The following MFSD11 variants were observed in gnomAD, a reference collection of about 807,000 sequenced individuals.
MFSD11 encodes major facilitator superfamily domain containing 11.
MFSD11 carries 36 observed loss-of-function variants against 53.5 expected under a neutral mutation model. That is an observed-to-expected ratio of 0.67 (90% CI 0.52 to 0.89). MFSD11 has a LOEUF of 0.89. MFSD11 is among the 40% of genes least tolerant of loss of function. The pLI is 0.00. For missense variants in MFSD11, 530 were observed against 543.9 expected, an observed-to-expected ratio of 0.97 and a Z score of 0.25; for synonymous variants, 186 against 184.9, an observed-to-expected ratio of 1.01 and a Z score of -0.05.
chr17:76,776,988 C>T lies in MFSD11; in HGVS notation c.1185+447C>T, dbSNP rs939063265. ...TTTTATTTTTTTTTAAAGACAAAGT[C>T]GGCCCGCCGCGGCTCACACTTGTAA... is the stretch of plus-strand genomic sequence containing the variant. On this transcript the variant is annotated intron_variant, in intron 12 of 12. Transcript: ENST00000685175. The surrounding 1 kb of genome is among the most constrained non-coding windows in gnomAD (Gnocchi z 4.2). Among the ~76,000 whole-genome samples, 11 of 151,588 alleles carry T rather than the reference C, an allele frequency of 7.3e-5. No homozygotes were observed. Among genetic ancestry groups the T allele is most frequent in the South Asian group, 2.1e-4 (1 of 4,766 alleles).
intron 8 of MFSD11, among the ~76,000 whole-genome samples, chr17:76,761,154 G>C (rs141996064): frequency 1.3e-5 from 2 of 152,114 alleles, no homozygotes; most frequent in Non-Finnish European, 1.5e-5. Context: ...GCAGTGAGCC[G>C]AGATCGTGCT....
rs530039921 is a variant in MFSD11 at position 76,759,980 on chromosome 17, T to C, written c.682+5893T>C. Among the ~76,000 whole-genome samples the C allele has an allele frequency of 8.0e-4, 121 of 151,726 alleles. No individual in the cohort carries two copies. In the South Asian group the frequency reaches 0.013, roughly 16 times the overall value. On this transcript the variant is annotated intron_variant, in intron 8 of 12. Coordinates refer to ENST00000685175, the MANE Select transcript of MFSD11 (RefSeq NM_001242532.5). ...AGAAAAGAAAATATTAAGAAAATCG[T>C]AAGGAGACTGGGCCTGGTGGCTCAT...
At chr17:76,775,308 G>A (rs2081721552) in intron 11 of MFSD11, 137 bp downstream of exon 11, 1 of 665,178 alleles carries the variant, frequency 1.5e-6, no homozygotes, top group South Asian at 2.5e-5. Flanking sequence ...TGTTCATGGA[G>A]TCAGACTGAG....
In MFSD11 at chr17:76,769,995, G is replaced by T. The variant is rs1372735710; in HGVS notation, c.874+124G>T. On this transcript the variant is annotated intron_variant, in intron 10 of 12. Transcript: ENST00000685175. ...TTTTTCTACTTATTTTTACCCAAACGTGTGTTTTTATTTTTCTATTATTGC... is the reference window on the plus strand; with the variant it reads ...TTTTTCTACTTATTTTTACCCAAACTTGTGTTTTTATTTTTCTATTATTGC... 6 of 857,114 alleles carry T rather than the reference G, an allele frequency of 7.0e-6. No homozygotes were observed. In the Admixed American group the frequency reaches 8.7e-5, roughly 12 times the overall value. The allele number at this position is 857,114 out of a possible 1,614,324, so 53.1% of individuals were successfully genotyped here. A position where few individuals can be genotyped will look rare whatever the true frequency, so the allele number is the denominator to read the frequency against.
At chr17:76,755,388 G>A (rs539001958) in intron 8 of MFSD11, among the ~76,000 whole-genome samples, 1 of 152,146 alleles carries the variant, frequency 6.6e-6, no homozygotes, top group South Asian at 2.1e-4. Context: ...TCTGACTGGG[G>A]CAGTTATTCT....
intron 9 of MFSD11, among the ~76,000 whole-genome samples, chr17:76,768,173 G>A (rs1291364011): frequency 1.3e-5 from 2 of 151,968 alleles, no homozygotes; most frequent in African/African-American, 4.8e-5. Flanking sequence ...GTATGGTGGT[G>A]CATGCCTGTA....
chr17:76,799,954 C>CTTTTTTTTTTTTTTTTTT, the MFSD11 span, among the ~76,000 whole-genome samples: 6 of 87,300 alleles, frequency 6.9e-5, no homozygotes, highest in African/African-American at 2.5e-4. Flanking sequence ...TTTTCTTTTT[C>CTTTTTTTTTTTTTTTTTT]CTTTTTTTTT....
chr17:76,801,879 G>A, the MFSD11 span, among the ~76,000 whole-genome samples: 3 of 152,196 alleles, frequency 2.0e-5, no homozygotes, highest in South Asian at 6.2e-4. Flanking sequence ...CTCATCCTGT[G>A]TCTAAGAATG....
chr17:76,775,581 T>G (rs2081754657), intron 11 of MFSD11, among the ~76,000 whole-genome samples: 1 of 152,156 alleles, frequency 6.6e-6, no homozygotes, highest in Admixed American at 6.5e-5. Context: ...GATATCGGTT[T>G]AGTGCACTCA....
chr17:76,736,878 G>T (rs752405402), upstream of MFSD11: 11 of 1,611,376 alleles, frequency 6.8e-6, no homozygotes, highest in South Asian at 1.1e-5. Context: ...GAGTCCGGGG[G>T]GCGGCCGTAG....
chr17:76,740,917 CTTTTTT>C, intron 2 of MFSD11, 34 bp from the exon 3 acceptor site: 6 of 900,260 alleles, frequency 6.7e-6, no homozygotes, highest in African/African-American at 5.6e-5. Flanking sequence ...GGGCTTTGTT[CTTTTTT>C]TTTTTTTTTT....
chr17:76,768,472 A>G (rs1435175317), intron 9 of MFSD11, among the ~76,000 whole-genome samples: 1 of 152,184 alleles, frequency 6.6e-6, no homozygotes, highest in Non-Finnish European at 1.5e-5. Flanking sequence ...CCTCATAGAT[A>G]CAACATATTT....
rs777450519 is a variant in MFSD11, at chr17:76,743,476, C to T, written c.496+20C>T. 2.0e-6 allele frequency: 3 copies of T among 1,512,252 alleles called. No individual in the cohort carries two copies. The highest frequency in any genetic ancestry group is 2.7e-6 in the Non-Finnish European group (3 of 1,113,072). 93.7% of individuals were successfully genotyped at this position (1,512,252 alleles called of 1,614,324 possible). On this transcript the variant is annotated intron_variant, in intron 6 of 12. Transcript: ENST00000685175. ...TATCAGGTTTGTTTTATTCGCGTTG[C>T]TTTATTCAGATATGTTCAAAGCATA...
chr17:76,800,440 A>G, the MFSD11 span, among the ~76,000 whole-genome samples: 1 of 152,066 alleles, frequency 6.6e-6, no homozygotes, highest in Non-Finnish European at 1.5e-5. Context: ...CACCTATGAA[A>G]TCCTTTCCAA....
At position 76,775,079 on chromosome 17, in the gene MFSD11, C is replaced by T; in HGVS notation, c.957C>T (p.Phe319=). 6.2e-7 allele frequency: 1 copy of T among 1,614,076 alleles called. No individual in the cohort carries two copies. Among genetic ancestry groups the T allele is most frequent in the Non-Finnish European group, 8.5e-7 (1 of 1,179,958 alleles). ...TGCTGTTGGGCATCCTGGTGCACTT[C>T]ATAGCTTTTTATCTAATATTTCTCA... ...PVVLLGILVH[F]IAFYLIFLNM... is the part of the protein sequence containing the mutation. The change falls in exon 11 of 13, where the codon TTC becomes TTT. Residue 319 remains phenylalanine, a synonymous_variant. Transcript: ENST00000685175.
rs1044045194 is a variant in MFSD11, at chr17:76,760,851, T to G, written c.683-6535T>G. ...GGCCAGGAGCAGTTTCTATCGGATT[T>G]CAAAAGATAAAACATAATTCTCAAT... On this transcript the variant is annotated intron_variant, in intron 8 of 12. Transcript: ENST00000685175. Among the ~76,000 whole-genome samples, 30 of 152,098 alleles carry G rather than the reference T, an allele frequency of 2.0e-4. 1 individual carries two copies. The highest frequency in any genetic ancestry group is 7.2e-4 in the African/African-American group (30 of 41,432).
intron 7 of MFSD11, among the ~76,000 whole-genome samples, chr17:76,752,205 A>G (rs2079109392): frequency 6.6e-6 from 1 of 152,152 alleles, no homozygotes; most frequent in Admixed American, 6.5e-5. Context: ...GTATCACCTT[A>G]TATAACCCAC....
chr17:76,794,216 G>A, the MFSD11 span, among the ~76,000 whole-genome samples: 1 of 151,412 alleles, frequency 6.6e-6, no homozygotes, highest in South Asian at 2.1e-4. Context: ...GGGTGTGGTG[G>A]CTCACACCTG....
At chr17:76,753,979 T>C in intron 7 of MFSD11, 68 bp from the exon 8 acceptor site, 1 of 1,323,604 alleles carries the variant, frequency 7.6e-7, no homozygotes, top group Non-Finnish European at 1.1e-6. Context: ...TAAATGAAAA[T>C]GTGATCGTAT....
Sources: allele counts gnomAD v4.1 joint callset (sites outside exome capture counted in the v4.1 genomes callset), GRCh38; gene constraint gnomAD v4.1.1; non-coding constraint Gnocchi (gnomAD v3.1); transcripts MANE v1.5; gene names NCBI Gene and HGNC (gene_info 2026-07-23, HGNC 2026-07-21).